DDX23: variants seen among roughly 807,000 people sequenced by gnomAD.
DDX23 encodes the protein probable ATP-dependent RNA helicase DDX23.
In DDX23, 33 loss-of-function variants were observed where a neutral mutation model predicts 102.7. The ratio of observed to expected loss-of-function variants is 0.32; its 90% confidence interval spans 0.24 to 0.43. The LOEUF is 0.43. DDX23 is among the 20% of genes least tolerant of loss of function. The pLI, the probability that DDX23 is intolerant of heterozygous loss-of-function variation, is 1.00. For missense variants in DDX23, 549 were observed against 1,086.6 expected, an observed-to-expected ratio of 0.51 and a Z score of 6.96; for synonymous variants, 352 against 376.0, an observed-to-expected ratio of 0.94 and a Z score of 0.74.
At chr12:48,839,571 A>G (rs1938515742) in intron 5 of DDX23, 1 of 284,596 alleles carries the variant, frequency 3.5e-6, no homozygotes, top group Admixed American at 4.8e-5. Flanking sequence ...AAAAAAAAAA[A>G]AAAAAAAAAA....
intron 11 of DDX23, chr12:48,835,201 C>A (rs992470358): frequency 6.3e-5 from 15 of 238,818 alleles, no homozygotes; most frequent in African/African-American, 2.3e-4. Flanking sequence ...AAGATCACAC[C>A]ACTGCACTCC....
chr12:48,831,969 G>T, intron 15 of DDX23, 109 bp downstream of exon 15: 1 of 997,870 alleles, frequency 1.0e-6, no homozygotes, highest in Non-Finnish European at 1.5e-6. Context: ...TTGATTGCTG[G>T]ACAGGCTAAA....
Position 48,830,395 on chromosome 12 carries a change from G to C in DDX23, c.*74C>G, listed in dbSNP as rs775667466. ...TCCCAAGAGTGAGGACCTGGAAAGAGGGATGTGAGGGTTCTGAAAAACAGG... is the reference window on the plus strand; with the variant it reads ...TCCCAAGAGTGAGGACCTGGAAAGACGGATGTGAGGGTTCTGAAAAACAGG... On this transcript the variant is annotated 3_prime_UTR_variant, in exon 17 of 17. Transcript: ENST00000308025. This position sits in a 1 kb window ranked among gnomAD's most constrained non-coding sequence, Gnocchi z 4.9. The C allele has an allele frequency of 1.3e-6, 2 of 1,515,194 alleles. No homozygotes were observed. Among genetic ancestry groups the C allele is most frequent in the East Asian group, 4.5e-5 (2 of 44,242 alleles). The allele number at this position is 1,515,194 out of a possible 1,614,324, so 93.9% of individuals were successfully genotyped here.
rs2137481621 is a variant in DDX23, at chr12:48,833,308, T to C, written c.1772A>G (p.Asn591Ser). The change falls in exon 13 of 17, where the codon AAC becomes AGC. Residue 591 changes from asparagine to serine, a missense_variant. Coordinates refer to ENST00000308025, the MANE Select transcript of DDX23 (RefSeq NM_004818.3). ...GTACTTATGTTTTCCCGACTCAAAGTTGGCCAGCATCTTCTCAGGGTCCTC... is the reference window on the plus strand; with the variant it reads ...GTACTTATGTTTTCCCGACTCAAAGCTGGCCAGCATCTTCTCAGGGTCCTC... ...EAEDPEKMLA[N>S]FESGKHKYRQ... 2 of 1,614,188 alleles carry C rather than the reference T, an allele frequency of 1.2e-6. No homozygotes were observed. Among genetic ancestry groups the C allele is most frequent in the Non-Finnish European group, 1.7e-6 (2 of 1,180,028 alleles).
chr12:48,842,414 C>T (rs1374669487), intron 3 of DDX23, among the ~76,000 whole-genome samples: 27 of 143,430 alleles, frequency 1.9e-4, no homozygotes, highest in Admixed American at 8.8e-4. Flanking sequence ...AGGTCAGCCC[C>T]CCGCCCGGCC....
intron 6 of DDX23, 78 bp downstream of exon 6, chr12:48,837,864 A>C (rs756225647): frequency 1.3e-5 from 20 of 1,590,214 alleles, no homozygotes; most frequent in Admixed American, 8.7e-5. Flanking sequence ...ACAGGTTTCT[A>C]TCTCTCCTAA....
chr12:48,830,625 T>C lies in DDX23; in HGVS notation c.2307A>G (p.Thr769=). The C allele has an allele frequency of 6.2e-7, 1 of 1,614,086 alleles. No individual in the cohort carries two copies. The highest frequency in any genetic ancestry group is 8.5e-7 in the Non-Finnish European group (1 of 1,179,996). Residue 769 remains threonine (T), a synonymous_variant, in exon 17 of 17, where the codon ACA becomes ACG. Transcript: ENST00000308025. The surrounding 1 kb of genome is among the most constrained non-coding windows in gnomAD (Gnocchi z 4.9). ...GKSGVAITFL[T]KEDSAVFYEL... is the part of the protein sequence containing the mutation. ...CGTAGAACACAGCAGAGTCCTCTTTTGTGAGGAAGGTGATGGCCACCCCAC... is the reference window on the plus strand; with the variant it reads ...CGTAGAACACAGCAGAGTCCTCTTTCGTGAGGAAGGTGATGGCCACCCCAC...
rs1490120953 is a variant in DDX23, at chr12:48,840,239, T to C, written c.321-133A>G. On this transcript the variant is annotated intron_variant, in intron 3 of 16. Coordinates refer to ENST00000308025, the MANE Select transcript of DDX23 (RefSeq NM_004818.3). ...CTGGCCCATGGTCATCTATCATGTC[T>C]TGAAACTCTCTTAGCAGGCATGGTC... The C allele has an allele frequency of 7.8e-6, 6 of 766,288 alleles. No individual in the cohort carries two copies. In the Admixed American group the frequency reaches 1.1e-4, roughly 15 times the overall value. The allele number at this position is 766,288 out of a possible 1,614,324, so 47.5% of individuals were successfully genotyped here.
Position 48,837,291 on chromosome 12 carries a change from A to G in DDX23, c.856T>C (p.Tyr286His). The G allele has an allele frequency of 6.2e-7, 1 of 1,613,962 alleles. No individual in the cohort carries two copies. The highest frequency in any genetic ancestry group is 8.5e-7 in the Non-Finnish European group (1 of 1,179,854). Residue 286 changes from tyrosine to histidine, a missense_variant, in exon 8 of 17, where the codon TAC becomes CAC. Coordinates refer to ENST00000308025, the MANE Select transcript of DDX23 (RefSeq NM_004818.3). ...WDASEDTSIDYNPLYKERHQV... is the reference protein window; with the variant it reads ...WDASEDTSIDHNPLYKERHQV... Reference sequence around the variant, plus strand: ...CCTGAAGCCACTCACAGGGGGTTGTAGTCAATGGATGTGTCCTCAGATGCA... The same window carrying G: ...CCTGAAGCCACTCACAGGGGGTTGTGGTCAATGGATGTGTCCTCAGATGCA...
Position 48,830,169 on chromosome 12 carries a change from T to G in DDX23, c.*300A>C. On this transcript the variant is annotated 3_prime_UTR_variant, in exon 17 of 17. Transcript: ENST00000308025. The surrounding 1 kb of genome is among the most constrained non-coding windows in gnomAD (Gnocchi z 4.9). ...GTTCAGTCTGGGGAGCAATGCCAAC[T>G]GGCTGCCCCCATAGCCTGGCATGAG... The G allele has an allele frequency of 3.7e-6, 2 of 546,538 alleles. No individual in the cohort carries two copies. The highest frequency in any genetic ancestry group is 7.0e-6 in the Non-Finnish European group (2 of 285,282). The allele number at this position is 546,538 out of a possible 1,614,324, so 33.9% of individuals were successfully genotyped here.
At chr12:48,850,480 G>C (rs10875880) in intron 1 of DDX23, among the ~76,000 whole-genome samples, 42,742 of 152,056 alleles carry the variant, frequency 0.28, 6,885 homozygotes, top group East Asian at 0.59. Flanking sequence ...ACTTAGGGGA[G>C]AGGGTCTGTA....
chr12:48,841,154 G>A (rs189705866), intron 3 of DDX23, among the ~76,000 whole-genome samples: 1 of 152,034 alleles, frequency 6.6e-6, no homozygotes, highest in Non-Finnish European at 1.5e-5. Flanking sequence ...GAGAGGCCGA[G>A]GTGGCCGGAT....
At chr12:48,847,994 C>T (rs924924375) in intron 1 of DDX23, among the ~76,000 whole-genome samples, 9 of 152,112 alleles carry the variant, frequency 5.9e-5, no homozygotes, top group African/African-American at 2.2e-4. Flanking sequence ...GTAAAGAAAA[C>T]AAAGTCTCAT....
intron 1 of DDX23, 144 bp from the exon 2 acceptor site, chr12:48,845,926 ATAT>A: frequency 1.1e-6 from 1 of 922,514 alleles, no homozygotes; most frequent in Non-Finnish European, 1.6e-6. Flanking sequence ...GAGCTCAGGT[ATAT>A]AAAGGAACTT....
intron 2 of DDX23, 93 bp downstream of exon 2, chr12:48,845,481 A>G: frequency 7.3e-7 from 1 of 1,368,938 alleles, no homozygotes; most frequent in Admixed American, 1.9e-5. Context: ...TAAAAAGTAG[A>G]TGCCTAATAC....
Position 48,834,459 on chromosome 12 carries a change from A to G in DDX23, c.1421T>C (p.Leu474Pro). ...TTGAGCCAACTCACGGGTGGGAGCC[A>G]GGATGATGGCATAAGGGCCTTGGTC... The part of the protein sequence containing the change: ...ESDQGPYAII[L>P]APTRELAQQI... Residue 474 changes from leucine to proline, a missense_variant, in exon 12 of 17, where the codon CTG becomes CCG. Leu to Pro is a moderately conservative substitution (Grantham distance 98). Coordinates refer to ENST00000308025, the MANE Select transcript of DDX23 (RefSeq NM_004818.3). The G allele has an allele frequency of 6.2e-7, 1 of 1,614,192 alleles. No individual in the cohort carries two copies. The highest frequency in any genetic ancestry group is 8.5e-7 in the Non-Finnish European group (1 of 1,180,036).
chr12:48,838,723 C>T (rs1242988666), intron 5 of DDX23, among the ~76,000 whole-genome samples: 3 of 148,316 alleles, frequency 2.0e-5, no homozygotes, highest in Admixed American at 1.3e-4. Context: ...CATGGTGGCA[C>T]GTGCCTGTAA....
rs1218901464 is a variant in DDX23, at chr12:48,830,777, TC to T, written c.2240-86del. 6.0e-6 allele frequency: 8 copies of T among 1,339,972 alleles called. No individual in the cohort carries two copies. Among genetic ancestry groups the T allele is most frequent in the Non-Finnish European group, 8.2e-6 (8 of 975,546 alleles). 83.0% of individuals were successfully genotyped at this position (1,339,972 alleles called of 1,614,324 possible). On this transcript the variant is annotated intron_variant, in intron 16 of 16. Coordinates refer to ENST00000308025, the MANE Select transcript of DDX23 (RefSeq NM_004818.3). The surrounding 1 kb of genome is among the most constrained non-coding windows in gnomAD (Gnocchi z 4.9). Reference sequence around the variant, plus strand: ...ATGCCTCCACTTCTAGAGGCATCCTTCCCACCCCATCTCCAAAGGCAGGAAT... The same window carrying T: ...ATGCCTCCACTTCTAGAGGCATCCTTCCACCCCATCTCCAAAGGCAGGAAT...
intron 1 of DDX23, 61 bp from the exon 2 acceptor site, chr12:48,845,843 T>C (rs1184027900): frequency 3.2e-6 from 5 of 1,539,132 alleles, no homozygotes; most frequent in African/African-American, 1.4e-5. Flanking sequence ...TGCTTATATA[T>C]AATTCAATTA....
Sources: gnomAD v4.1 joint callset for allele counts (sites outside exome capture counted in the v4.1 genomes callset) on GRCh38, gnomAD v4.1.1 for gene constraint, Gnocchi (gnomAD v3.1) non-coding constraint, MANE v1.5 for transcripts, NCBI Gene and HGNC (gene_info 2026-07-23, HGNC 2026-07-21) for gene names.